SYNPR: variants seen among roughly 807,000 people sequenced by gnomAD.
SYNPR encodes the protein synaptoporin.
SYNPR carries 23 observed loss-of-function variants against 32.9 expected under a neutral mutation model. That is an observed-to-expected ratio of 0.70 (90% CI 0.50 to 0.99). The LOEUF (loss-of-function observed/expected upper bound fraction) is 0.99, where lower values mean the gene tolerates loss of function less well. SYNPR is among the 50% of genes least tolerant of loss of function. The pLI, the probability that SYNPR is intolerant of heterozygous loss-of-function variation, is 0.00. For synonymous variants in SYNPR, 146 were observed against 135.9 expected, an observed-to-expected ratio of 1.07 and a Z score of -0.52; for missense variants, 318 against 349.3, an observed-to-expected ratio of 0.91 and a Z score of 0.71.
chr3:63,295,437 C>CA (rs2086784454), intron 2 of SYNPR, among the ~76,000 whole-genome samples: 1 of 151,994 alleles, frequency 6.6e-6, no homozygotes, highest in African/African-American at 2.4e-5. Context: ...TGCTGAGCTT[C>CA]AAAAAAAGAC....
At chr3:63,407,744 A>G (rs567902853) in intron 2 of SYNPR, among the ~76,000 whole-genome samples, 1 of 152,222 alleles carries the variant, frequency 6.6e-6, no homozygotes, top group Admixed American at 6.5e-5. Context: ...GAGCAAGACA[A>G]ATGGTGGGTT....
intron 2 of SYNPR, among the ~76,000 whole-genome samples, chr3:63,306,330 C>G (rs2086910514): frequency 6.6e-6 from 1 of 151,864 alleles, no homozygotes; most frequent in Non-Finnish European, 1.5e-5. Context: ...TCTCCATATG[C>G]TCCCTTTCAA....
chr3:63,362,936 T>C (rs967221193), intron 2 of SYNPR, among the ~76,000 whole-genome samples: 2 of 152,210 alleles, frequency 1.3e-5, no homozygotes, highest in Non-Finnish European at 2.9e-5. Context: ...ATCTAAATGA[T>C]TCCTGAGGAA....
intron 3 of SYNPR, among the ~76,000 whole-genome samples, chr3:63,538,742 C>T (rs1421305354): frequency 1.3e-5 from 2 of 152,030 alleles, no homozygotes; most frequent in African/African-American, 4.8e-5. Flanking sequence ...AGCAGAGCCA[C>T]TTCAACCAAC....
chr3:63,511,006 C>A (rs772763832), intron 3 of SYNPR, among the ~76,000 whole-genome samples: 10 of 150,024 alleles, frequency 6.7e-5, no homozygotes, highest in Non-Finnish European at 1.5e-4. Context: ...ATGTGGGATG[C>A]TTGTTGAAAT....
intron 2 of SYNPR, among the ~76,000 whole-genome samples, chr3:63,468,770 C>T (rs1014043474): frequency 6.6e-6 from 1 of 152,146 alleles, no homozygotes. Flanking sequence ...TGCTGCACTC[C>T]AGGCTGAGTG....
At chr3:63,377,956 A>G (rs1444047362) in intron 2 of SYNPR, among the ~76,000 whole-genome samples, 1 of 151,988 alleles carries the variant, frequency 6.6e-6, no homozygotes, top group East Asian at 1.9e-4. Flanking sequence ...AAGAATAAAA[A>G]TTCAGATTAT....
At chr3:63,409,121 T>C (rs1477915176) in intron 2 of SYNPR, among the ~76,000 whole-genome samples, 3 of 152,146 alleles carry the variant, frequency 2.0e-5, no homozygotes, top group Non-Finnish European at 4.4e-5. Flanking sequence ...ATAAACCCTA[T>C]ATCATTTGTT....
chr3:63,580,372 GCAAT>G (rs1289040250), intron 4 of SYNPR, among the ~76,000 whole-genome samples: 1 of 152,142 alleles, frequency 6.6e-6, no homozygotes, highest in African/African-American at 2.4e-5. Context: ...TTTCCTCATA[GCAAT>G]ACAAATCCAA....
At chr3:63,578,809 T>A (rs1703038269) in intron 4 of SYNPR, among the ~76,000 whole-genome samples, 1 of 152,134 alleles carries the variant, frequency 6.6e-6, no homozygotes, top group African/African-American at 2.4e-5. Flanking sequence ...ATGGCAGAAC[T>A]TGTAGAGTTC....
chr3:63,373,974 T>A (rs1361343168), intron 2 of SYNPR, among the ~76,000 whole-genome samples: 3 of 152,124 alleles, frequency 2.0e-5, no homozygotes, highest in Non-Finnish European at 4.4e-5. Flanking sequence ...TAATATTCAG[T>A]CAAACAAAGC....
chr3:63,598,692 G>A (rs1376757048), intron 4 of SYNPR, among the ~76,000 whole-genome samples: 2 of 152,050 alleles, frequency 1.3e-5, no homozygotes, highest in Admixed American at 6.6e-5. Flanking sequence ...GGGTTTTATG[G>A]GGACCACATA....
At chr3:63,572,458 C>T (rs1045721716) in intron 4 of SYNPR, among the ~76,000 whole-genome samples, 1 of 152,116 alleles carries the variant, frequency 6.6e-6, no homozygotes, top group Admixed American at 6.6e-5. Flanking sequence ...TAGGTATAGT[C>T]GCCTAAGCCT....
intron 3 of SYNPR, among the ~76,000 whole-genome samples, chr3:63,532,763 G>A (rs1212703724): frequency 6.6e-6 from 1 of 152,216 alleles, no homozygotes; most frequent in Non-Finnish European, 1.5e-5. Flanking sequence ...AGGCACAGAC[G>A]TGCAAGGTTT....
chr3:63,587,909 GCA>G (rs1703219767), intron 4 of SYNPR, among the ~76,000 whole-genome samples: 1 of 151,942 alleles, frequency 6.6e-6, no homozygotes, highest in African/African-American at 2.4e-5. Flanking sequence ...CTGCAACCAT[GCA>G]CAGTCATTTT....
intron 3 of SYNPR, among the ~76,000 whole-genome samples, chr3:63,530,069 G>T (rs569256959): frequency 1.3e-5 from 2 of 152,236 alleles, no homozygotes; most frequent in African/African-American, 4.8e-5. Flanking sequence ...CCCCATGCCT[G>T]TGAGGGCCAG....
chr3:63,437,831 T>G (rs966716025), intron 2 of SYNPR, among the ~76,000 whole-genome samples: 2 of 152,148 alleles, frequency 1.3e-5, no homozygotes, highest in African/African-American at 4.8e-5. Flanking sequence ...TCTCACCCTC[T>G]AATTACCTGG....
the SYNPR span, among the ~76,000 whole-genome samples, chr3:63,207,604 C>T: frequency 6.6e-6 from 1 of 152,024 alleles, no homozygotes; most frequent in East Asian, 1.9e-4. Context: ...ACACAATAGT[C>T]ATAACTCAGT....
intron 2 of SYNPR, among the ~76,000 whole-genome samples, chr3:63,474,147 A>G (rs1471252355): frequency 6.6e-6 from 1 of 152,150 alleles, no homozygotes; most frequent in Non-Finnish European, 1.5e-5. Flanking sequence ...CTCTGAACAC[A>G]CCTCAAAATT....
Sources: gnomAD v4.1 joint callset for allele counts (sites outside exome capture counted in the v4.1 genomes callset) on GRCh38, gnomAD v4.1.1 for gene constraint, MANE v1.5 for transcripts, NCBI Gene and HGNC (gene_info 2026-07-23, HGNC 2026-07-21) for gene names.